The following SUPT5H variants were observed in gnomAD, a reference collection of about 807,000 sequenced individuals.
SUPT5H encodes transcription elongation factor SPT5.
A neutral mutation model predicts 142.5 loss-of-function variants in SUPT5H; 24 were observed. The ratio of observed to expected loss-of-function variants is 0.17; its 90% CI spans 0.12 to 0.24. The LOEUF (loss-of-function observed/expected upper bound fraction) is 0.24, where lower values mean the gene tolerates loss of function less well. Ranked by LOEUF, SUPT5H falls within the 10% of genes least tolerant of loss-of-function variation. The probability of loss-of-function intolerance (pLI) is 1.00; values close to 1 mark genes in which losing one functional copy is unlikely to be tolerated. For missense variants in SUPT5H, 893 were observed against 1,471.8 expected, an observed-to-expected ratio of 0.61 and a Z score of 6.43; for synonymous variants, 546 against 553.0, an observed-to-expected ratio of 0.99 and a Z score of 0.18.
intron 3 of SUPT5H, among the ~76,000 whole-genome samples, chr19:39,454,381 A>T (rs1195182805): frequency 7.6e-6 from 1 of 132,298 alleles, no homozygotes. Context: ...TTTGAGACGG[A>T]GTCTCGCTCA....
chr19:39,476,619 G>A lies in SUPT5H; in HGVS notation c.*220G>A. 1.7e-6 allele frequency: 1 copy of A among 595,678 alleles called. No individual in the cohort carries two copies. Among genetic ancestry groups the A allele is most frequent in the South Asian group, 2.1e-5 (1 of 47,234 alleles). 36.9% of individuals were successfully genotyped at this position (595,678 alleles called of 1,614,324 possible). ...CACCTTCCTGTACCTCCTCCCCACA[G>A]CTTGCTTTTGTTGTACCGTCTTTCA... On this transcript the variant is annotated 3_prime_UTR_variant, in exon 30 of 30. Coordinates refer to ENST00000432763, the MANE Select transcript of SUPT5H (RefSeq NM_001111020.3).
rs1411035901 is a variant in SUPT5H, at chr19:39,470,563, GA to G, written c.1677+41del. On this transcript the variant is annotated intron_variant, in intron 18 of 29. Transcript: ENST00000432763. This position sits in a 1 kb window ranked among gnomAD's most constrained non-coding sequence, Gnocchi z 5.8. The stretch of plus-strand genomic sequence containing the variant: ...CTCTGTGGCGGGGACTTGCTTTTAG[GA>G]GGCTTCCTGTCCCTCAACCCCTCAT... The G allele has an allele frequency of 3.4e-6, 5 of 1,480,010 alleles. No homozygotes were observed. Among genetic ancestry groups the G allele is most frequent in the African/African-American group, 1.4e-5 (1 of 70,258 alleles). 91.7% of individuals were successfully genotyped at this position (1,480,010 alleles called of 1,614,324 possible).
rs779009088 is a variant in SUPT5H at position 39,472,540 on chromosome 19, G to A, written c.2035+47G>A. 4.4e-6 allele frequency: 7 copies of A among 1,600,658 alleles called. No homozygotes were observed. The highest frequency in any genetic ancestry group is 6.0e-6 in the Non-Finnish European group (7 of 1,169,030). ...GGGATGTGGTGGGTAGAAGGGGCTG[G>A]AAGGAACTTGGTTGTTCAGCCTACA... On this transcript the variant is annotated intron_variant, in intron 21 of 29. Transcript: ENST00000432763. This position sits in a 1 kb window ranked among gnomAD's most constrained non-coding sequence, Gnocchi z 4.2.
chr19:39,459,511 C>G (rs2079133936), intron 8 of SUPT5H, 48 bp from the exon 9 acceptor site: 1 of 1,610,916 alleles, frequency 6.2e-7, no homozygotes, highest in Non-Finnish European at 8.5e-7. Flanking sequence ...CTGTTTGTTA[C>G]TGAAGATCCA....
intron 3 of SUPT5H, among the ~76,000 whole-genome samples, chr19:39,456,147 C>T (rs1163635610): frequency 2.0e-5 from 3 of 151,744 alleles, no homozygotes; most frequent in Non-Finnish European, 4.4e-5. Context: ...GAACTCCTGA[C>T]CTCAGGTGGT....
In SUPT5H at chr19:39,459,548, C is replaced by T. The variant is rs1348596895; in HGVS notation, c.525-11C>T. 6.2e-7 allele frequency: 1 copy of T among 1,613,744 alleles called. No individual in the cohort carries two copies. Among genetic ancestry groups the T allele is most frequent in the African/African-American group, 1.3e-5 (1 of 74,848 alleles). ...CTTCACTGAAGGCCTTCCTTTTCCT[C>T]TGCTGCTTAGGGATCCCAATCTGTG... On this transcript the variant is annotated splice_polypyrimidine_tract_variant and intron_variant, in intron 8 of 29. Coordinates refer to ENST00000432763, the MANE Select transcript of SUPT5H (RefSeq NM_001111020.3).
chr19:39,452,083 G>C (rs1416203479), intron 2 of SUPT5H, among the ~76,000 whole-genome samples: 3 of 152,112 alleles, frequency 2.0e-5, no homozygotes, highest in African/African-American at 4.8e-5. Flanking sequence ...GAAAAGGATG[G>C]GTTGGAGAAA....
Position 39,471,591 on chromosome 19 carries a change from C to A in SUPT5H, c.1825-14C>A, listed in dbSNP as rs1242650379. 1 of 1,613,994 alleles carries A rather than the reference C, an allele frequency of 6.2e-7. No homozygotes were observed. Among genetic ancestry groups the A allele is most frequent in the East Asian group, 2.2e-5 (1 of 44,896 alleles). Reference sequence around the variant, plus strand: ...GGACATGGTCAAGAGAGTGACCCTTCTCTCCCCGGCTAGGGCCGAGAAGGG... The same window carrying A: ...GGACATGGTCAAGAGAGTGACCCTTATCTCCCCGGCTAGGGCCGAGAAGGG... On this transcript the variant is annotated splice_polypyrimidine_tract_variant and intron_variant, in intron 19 of 29. Coordinates refer to ENST00000432763, the MANE Select transcript of SUPT5H (RefSeq NM_001111020.3).
intron 2 of SUPT5H, among the ~76,000 whole-genome samples, chr19:39,450,634 G>T (rs1165777620): frequency 6.6e-6 from 1 of 152,194 alleles, no homozygotes; most frequent in African/African-American, 2.4e-5. Context: ...GGAACAAATG[G>T]TCAGGTTCAT....
intron 3 of SUPT5H, among the ~76,000 whole-genome samples, chr19:39,454,658 G>C (rs180876382): frequency 6.6e-6 from 1 of 152,050 alleles, no homozygotes; most frequent in African/African-American, 2.4e-5. Flanking sequence ...TTTAAAAAAA[G>C]ATTTTTTATA....
rs1269088978 is a variant in SUPT5H, at chr19:39,476,300, A to C, written c.3165A>C (p.Leu1055=). 1 of 1,614,106 alleles carries C rather than the reference A, an allele frequency of 6.2e-7. No individual in the cohort carries two copies. The highest frequency in any genetic ancestry group is 1.1e-5 in the South Asian group (1 of 91,074). The change falls in exon 30 of 30, where the codon CTA becomes CTC. Residue 1055 remains leucine, a synonymous_variant. Transcript: ENST00000432763. The part of the protein sequence containing the change: ...LGEDREATGV[L]LSIDGEDGIV... ...AGGATCGGGAAGCCACGGGCGTCCT[A>C]CTGAGCATTGATGGTGAGGATGGCA... is the stretch of plus-strand genomic sequence containing the variant.
At chr19:39,467,950 C>T (rs931279229) in intron 13 of SUPT5H, 2 of 152,256 alleles carry the variant, frequency 1.3e-5, no homozygotes, top group Non-Finnish European at 2.9e-5. Context: ...CCCTAGTGCT[C>T]CCTTACCCCC....
At chr19:39,454,345 T>TCA (rs1390631770) in intron 3 of SUPT5H, among the ~76,000 whole-genome samples, 4 of 138,550 alleles carry the variant, frequency 2.9e-5, no homozygotes, top group African/African-American at 1.1e-4. Flanking sequence ...GTGCATTTTG[T>TCA]TGTTGTCGTT....
intron 18 of SUPT5H, among the ~76,000 whole-genome samples, chr19:39,471,074 T>A (rs1349645389): frequency 6.6e-6 from 1 of 152,140 alleles, no homozygotes; most frequent in Admixed American, 6.5e-5. Context: ...GGATGAACAA[T>A]GTTGCTATCA....
In SUPT5H at chr19:39,459,560, G is replaced by A. The variant is rs1406250184; in HGVS notation, c.526G>A (p.Asp176Asn). The A allele has an allele frequency of 1.2e-6, 2 of 1,613,848 alleles. No individual in the cohort carries two copies. Among genetic ancestry groups the A allele is most frequent in the Non-Finnish European group, 1.7e-6 (2 of 1,179,974 alleles). ...TQQQLLPGVK[D>N]PNLWTVKCKI... ...CCTTCCTTTTCCTCTGCTGCTTAGG[G>A]ATCCCAATCTGTGGACTGTCAAATG... Residue 176 changes from aspartate (D) to asparagine (N), a missense_variant and splice_region_variant, in exon 9 of 30, where the codon GAT (aspartate) becomes AAT (asparagine). Asp to Asn is a conservative substitution (Grantham distance 23, BLOSUM62 1). This residue lies in a region of SUPT5H where 428 missense variants were observed against 763.5 expected (regional missense o/e 0.56). Transcript: ENST00000432763.
rs777214245 is a variant in SUPT5H at position 39,474,555 on chromosome 19, C to T, written c.2861C>T (p.Thr954Ile). The change falls in exon 28 of 30, where the codon ACA (threonine) becomes ATA (isoleucine). Residue 954 changes from threonine (T) to isoleucine (I), a missense_variant. Coordinates refer to ENST00000432763, the MANE Select transcript of SUPT5H (RefSeq NM_001111020.3). The surrounding 1 kb of genome is among the most constrained non-coding windows in gnomAD (Gnocchi z 6.5). ...AGCCCCGTTGGCTACAGTCCTATGA[C>T]ACCTGGAGCTCCCTCCCCTGGTGGC... Reference protein sequence around the residue: ...SPSPVGYSPMTPGAPSPGGYN... With the variant: ...SPSPVGYSPMIPGAPSPGGYN... 3.3e-5 allele frequency: 53 copies of T among 1,614,130 alleles called. No homozygotes were observed. Among genetic ancestry groups the T allele is most frequent in the Non-Finnish European group, 4.4e-5 (52 of 1,180,056 alleles).
Position 39,466,414 on chromosome 19 carries a change from C to A in SUPT5H, c.877-66C>A. The A allele has an allele frequency of 6.9e-7, 1 of 1,456,222 alleles. No individual in the cohort carries two copies. The highest frequency in any genetic ancestry group is 9.6e-7 in the Non-Finnish European group (1 of 1,039,046). The allele number at this position is 1,456,222 out of a possible 1,614,324, so 90.2% of individuals were successfully genotyped here. A position where few individuals can be genotyped will look rare whatever the true frequency, so the allele number is the denominator to read the frequency against. The stretch of plus-strand genomic sequence containing the variant: ...CCTTCTCCTTCCTAGCATCTCCTGA[C>A]CCTTCTTGTGTCTGGGGTCAGGGAG... On this transcript the variant is annotated intron_variant, in intron 11 of 29. Transcript: ENST00000432763. The surrounding 1 kb of genome is among the most constrained non-coding windows in gnomAD (Gnocchi z 4.3).
At position 39,466,830 on chromosome 19, in the gene SUPT5H, GC is replaced by G. The variant is rs1284011810; in HGVS notation, c.1037+89del. ...TTTTGCAGGTTCCTCCCCAGGGGTGGCCCCGCCACAGGTTTAGCCTGTGAAT... is the reference window on the plus strand; with the variant it reads ...TTTTGCAGGTTCCTCCCCAGGGGTGGCCCGCCACAGGTTTAGCCTGTGAAT... On this transcript the variant is annotated intron_variant, in intron 13 of 29. Transcript: ENST00000432763. This position sits in a 1 kb window ranked among gnomAD's most constrained non-coding sequence, Gnocchi z 4.3. 7.3e-7 allele frequency: 1 copy of G among 1,370,828 alleles called. No individual in the cohort carries two copies. The highest frequency in any genetic ancestry group is 1.4e-5 in the African/African-American group (1 of 69,966). 84.9% of individuals were successfully genotyped at this position (1,370,828 alleles called of 1,614,324 possible).
intron 10 of SUPT5H, among the ~76,000 whole-genome samples, chr19:39,462,860 GAC>G (rs1266171649): frequency 8.7e-5 from 6 of 68,746 alleles, no homozygotes; most frequent in Non-Finnish European, 1.4e-4. Flanking sequence ...TTTTTTTTGA[GAC>G]AGAGTCTCGC....
Sources: gnomAD v4.1 joint callset for allele counts (sites outside exome capture counted in the v4.1 genomes callset) on GRCh38, gnomAD v4.1.1 for gene constraint, gnomAD v4.1.1 regional missense constraint, Gnocchi (gnomAD v3.1) non-coding constraint, MANE v1.5 for transcripts, NCBI Gene and HGNC (gene_info 2026-07-23, HGNC 2026-07-21) for gene names.